The following PRKCH variants were observed in gnomAD, a reference collection of about 807,000 sequenced individuals.
The protein encoded by PRKCH is protein kinase C eta, also known as protein kinase C eta type.
In PRKCH, 28 loss-of-function variants were observed where a neutral mutation model predicts 82.5. The observed-to-expected ratio is 0.34, with a 90% CI of 0.25 to 0.47. The LOEUF is 0.47. PRKCH is among the 20% of genes least tolerant of loss of function. The pLI, the probability that PRKCH is intolerant of heterozygous loss-of-function variation, is 1.00. For missense variants in PRKCH, 705 were observed against 881.8 expected (o/e 0.80, Z 2.54); for synonymous variants, 322 against 327.4 (o/e 0.98, Z 0.18).
At chr14:61,287,651 A>G (rs1401797262) in intron 1 of PRKCH, among the ~76,000 whole-genome samples, 9 of 152,110 alleles carry the variant, frequency 5.9e-5, no homozygotes, top group Non-Finnish European at 2.9e-5. Context: ...TGGAGGTTTC[A>G]GTGAGCTGAA....
At chr14:61,339,785 A>T (rs1485333727) in intron 1 of PRKCH, among the ~76,000 whole-genome samples, 1 of 150,308 alleles carries the variant, frequency 6.7e-6, no homozygotes, top group South Asian at 2.2e-4. Flanking sequence ...GGCTCAAGCC[A>T]TCCTCTTACC....
intron 2 of PRKCH, among the ~76,000 whole-genome samples, chr14:61,408,621 A>G (rs959196793): frequency 1.3e-5 from 2 of 152,166 alleles, no homozygotes; most frequent in African/African-American, 4.8e-5. Context: ...GGTTGCTGCA[A>G]AGGTTACATG....
At chr14:61,517,730 T>C (rs775288203) in intron 10 of PRKCH, among the ~76,000 whole-genome samples, 4 of 152,246 alleles carry the variant, frequency 2.6e-5, no homozygotes, top group Admixed American at 1.3e-4. Context: ...CCCATGCTTA[T>C]TCTGTGCCAC....
intron 1 of PRKCH, among the ~76,000 whole-genome samples, chr14:61,210,810 G>GTT (rs2044572381): frequency 6.6e-6 from 1 of 151,562 alleles, no homozygotes; most frequent in Non-Finnish European, 1.5e-5. Flanking sequence ...GTGTGTGTGT[G>GTT]TGTGCGTGCA....
chr14:61,515,335 G>A (rs2042807456), intron 10 of PRKCH, among the ~76,000 whole-genome samples: 1 of 152,150 alleles, frequency 6.6e-6, no homozygotes, highest in Admixed American at 6.5e-5. Flanking sequence ...GGTGTGGATG[G>A]CAACAGGGTT....
At chr14:61,362,353 A>AT (rs1411296238) in intron 1 of PRKCH, among the ~76,000 whole-genome samples, 1 of 151,932 alleles carries the variant, frequency 6.6e-6, no homozygotes, top group Non-Finnish European at 1.5e-5. Context: ...AAAAAAAAAA[A>AT]AAAAAAGGAA....
intron 10 of PRKCH, among the ~76,000 whole-genome samples, chr14:61,496,528 C>T (rs564798023): frequency 3.9e-4 from 59 of 152,336 alleles, no homozygotes; most frequent in South Asian, 1.9e-3. Context: ...TCATCACCTC[C>T]TCTGATAAGC....
chr14:61,360,537 G>A (rs1176725461), intron 1 of PRKCH, among the ~76,000 whole-genome samples: 5 of 151,982 alleles, frequency 3.3e-5, no homozygotes, highest in Admixed American at 1.3e-4. Context: ...AGAAAAACTC[G>A]AAGAGGCTAA....
intron 1 of PRKCH, among the ~76,000 whole-genome samples, chr14:61,220,098 C>T (rs961376854): frequency 1.3e-5 from 2 of 152,198 alleles, no homozygotes; most frequent in South Asian, 2.1e-4. Flanking sequence ...CCTGGGAAGG[C>T]AGACAGTCCC....
chr14:61,250,133 G>A (rs947892575), intron 1 of PRKCH, among the ~76,000 whole-genome samples: 4 of 150,930 alleles, frequency 2.7e-5, no homozygotes, highest in South Asian at 2.1e-4. Context: ...GGTCGTGGGC[G>A]CCTGTAATCC....
chr14:61,253,997 C>G (rs976394318), intron 1 of PRKCH, among the ~76,000 whole-genome samples: 42 of 132,588 alleles, frequency 3.2e-4, no homozygotes, highest in Middle Eastern at 4.3e-3. Flanking sequence ...CTCCCTCCCT[C>G]CCTCCCTCCC....
chr14:61,491,469 TA>T (rs1444299595), intron 10 of PRKCH, among the ~76,000 whole-genome samples: 1 of 152,240 alleles, frequency 6.6e-6, no homozygotes, highest in Non-Finnish European at 1.5e-5. Context: ...CTGGGACTGA[TA>T]CTGGCTCTTT....
Position 61,547,724 on chromosome 14 carries a change from TTCTC to T in PRKCH, c.1762-10_1762-7del, listed in dbSNP as rs753144278. On this transcript the variant is annotated splice_polypyrimidine_tract_variant and intron_variant, in intron 12 of 13. Coordinates refer to ENST00000332981, the MANE Select transcript of PRKCH (RefSeq NM_006255.5). The stretch of plus-strand genomic sequence containing the variant: ...TGTATGTGAATGAATGATTGACACT[TTCTC>T]TCTCTCTCACTCAGTTCATGACCAA... 34 of 1,606,244 alleles carry T rather than the reference TTCTC, an allele frequency of 2.1e-5. No individual in the cohort carries two copies. Among genetic ancestry groups the T allele is most frequent in the South Asian group, 7.7e-5 (7 of 90,460 alleles).
chr14:61,443,301 A>C (rs1208953391), intron 3 of PRKCH, 40 bp downstream of exon 3: 1 of 1,582,552 alleles, frequency 6.3e-7, no homozygotes, highest in East Asian at 2.3e-5. Flanking sequence ...CAGAGCTTCC[A>C]TCTAATAGGC....
chr14:61,448,519 A>G (rs1026718619), intron 4 of PRKCH, among the ~76,000 whole-genome samples: 1 of 152,204 alleles, frequency 6.6e-6, no homozygotes, highest in Non-Finnish European at 1.5e-5. Flanking sequence ...TTTGAAATGA[A>G]GGGGCAGGCT....
chr14:61,461,390 G>T (rs2140300221), intron 9 of PRKCH, among the ~76,000 whole-genome samples: 1 of 152,212 alleles, frequency 6.6e-6, no homozygotes, highest in East Asian at 1.9e-4. Context: ...GATACTGGTT[G>T]CCCGCCGGGG....
chr14:61,470,349 C>A (rs910145585), intron 9 of PRKCH, among the ~76,000 whole-genome samples: 5 of 151,670 alleles, frequency 3.3e-5, no homozygotes, highest in Non-Finnish European at 5.9e-5. Context: ...TTTCTCATCC[C>A]GCTGGCAAGA....
intron 1 of PRKCH, among the ~76,000 whole-genome samples, chr14:61,299,492 G>C (rs1157059012): frequency 6.6e-6 from 1 of 151,936 alleles, no homozygotes; most frequent in Non-Finnish European, 1.5e-5. Context: ...TTTCTACTGG[G>C]AGACTGCCTT....
intron 1 of PRKCH, among the ~76,000 whole-genome samples, chr14:61,307,909 T>A (rs2045494855): frequency 6.6e-6 from 1 of 152,238 alleles, no homozygotes; most frequent in Non-Finnish European, 1.5e-5. Flanking sequence ...CAATCAGGGC[T>A]TACTGTGACC....
Sources: gnomAD v4.1 joint callset for allele counts (sites outside exome capture counted in the v4.1 genomes callset) on GRCh38, gnomAD v4.1.1 for gene constraint, MANE v1.5 for transcripts, NCBI Gene and HGNC (gene_info 2026-07-23, HGNC 2026-07-21) for gene names.